OR52B2: variants seen among roughly 807,000 people sequenced by gnomAD.
OR52B2 encodes the protein olfactory receptor 52B2.
A neutral mutation model predicts 12.8 loss-of-function variants in OR52B2; 16 were observed. That is an observed-to-expected ratio of 1.25 (90% CI 0.85 to 1.90). The LOEUF is 1.90. Ranked by LOEUF, OR52B2 falls within the 40% of genes most tolerant of loss-of-function variation. The probability of loss-of-function intolerance (pLI) is 0.00; values close to 1 mark genes in which losing one functional copy is unlikely to be tolerated. For missense variants in OR52B2, 465 were observed against 407.8 expected (o/e 1.14, Z -1.21); for synonymous variants, 169 against 152.2 (o/e 1.11, Z -0.81).
In OR52B2 at chr11:6,170,249, G is replaced by C; in HGVS notation, c.78C>G (p.His26Gln). The change falls in exon 1 of 1, where the codon CAC becomes CAG. Residue 26 changes from histidine to glutamine, a missense_variant. Coordinates refer to ENST00000530810, the MANE Select transcript of OR52B2 (RefSeq NM_001004052.1). ...GGCAAAGAGGTATTGACAGCCAAAT[G>C]TGATAAGCCTCCAACCCAGGGATGC... ...LPGIPGLEAY[H>Q]IWLSIPLCLI... 1 of 1,613,258 alleles carries C rather than the reference G, an allele frequency of 6.2e-7. No individual in the cohort carries two copies. Among genetic ancestry groups the C allele is most frequent in the Non-Finnish European group, 8.5e-7 (1 of 1,179,800 alleles).
rs993987651 is a variant in OR52B2, at chr11:6,169,454, G to A, written c.873C>T (p.Pro291=). 3.1e-6 allele frequency: 5 copies of A among 1,613,750 alleles called. No individual in the cohort carries two copies. The East Asian group carries it at 6.7e-5, about 22-fold the overall frequency. ...GCTTAGTCTTCACACCATAGACAATGGGGTTCAGCATTGGTGGCACTGCCA... is the reference window on the plus strand; with the variant it reads ...GCTTAGTCTTCACACCATAGACAATAGGGTTCAGCATTGGTGGCACTGCCA... ...LYVAVPPMLN[P]IVYGVKTKQI... The change falls in exon 1 of 1, where the codon CCC becomes CCT. Residue 291 remains proline (P), a synonymous_variant. Transcript: ENST00000530810.
Position 6,170,088 on chromosome 11 carries a change from A to C in OR52B2, c.239T>G (p.Val80Gly). ...VMDILLSTTT[V>G]PKALAIFWLQ... ...CCAAAAGATGGCTAGGGCCTTGGGC[A>C]CAGTGGTGGTAGACAGCAGGATGTC... Residue 80 changes from valine (V) to glycine (G), a missense_variant, in exon 1 of 1, where the codon GTG becomes GGG. Transcript: ENST00000530810. The C allele has an allele frequency of 6.2e-7, 1 of 1,613,836 alleles. No individual in the cohort carries two copies.
Position 6,169,986 on chromosome 11 carries a change from G to C in OR52B2, c.341C>G (p.Ser114Ter), listed in dbSNP as rs1290997076. The change falls in exon 1 of 1, where the codon TCA becomes TGA. Residue 114 changes from serine to a stop codon, truncating the protein, a stop_gained. Coordinates refer to ENST00000530810, the MANE Select transcript of OR52B2 (RefSeq NM_001004052.1). LOFTEE classifies it high-confidence loss of function. ...FFVHMMFVGE[S>*]AILLAMAFDR... ...AAAGGCCATGGCTAACAGGATAGCT[G>C]ACTCCCCCACAAACATCATATGGAC... The C allele has an allele frequency of 6.2e-7, 1 of 1,613,786 alleles. No individual in the cohort carries two copies. Among genetic ancestry groups the C allele is most frequent in the East Asian group, 2.2e-5 (1 of 44,880 alleles).
chr11:6,170,023 G>C lies in OR52B2; in HGVS notation c.304C>G (p.Gln102Glu). 5 of 1,613,706 alleles carry C rather than the reference G, an allele frequency of 3.1e-6. No individual in the cohort carries two copies. Among genetic ancestry groups the C allele is most frequent in the Non-Finnish European group, 3.4e-6 (4 of 1,179,808 alleles). ...AACATCATATGGACAAAGAAGCCTT[G>C]GGTGACACAGGCATCAAAAGCAATG... is the stretch of plus-strand genomic sequence containing the variant. ...HNIAFDACVT[Q>E]GFFVHMMFVG... is the part of the protein sequence containing the mutation. The change falls in exon 1 of 1, where the codon CAA (glutamine) becomes GAA (glutamate). Residue 102 changes from glutamine to glutamate, a missense_variant. Gln to Glu is a conservative substitution (Grantham distance 29, BLOSUM62 2). Coordinates refer to ENST00000530810, the MANE Select transcript of OR52B2 (RefSeq NM_001004052.1).
In OR52B2 at chr11:6,170,035, C is replaced by A; in HGVS notation, c.292G>T (p.Ala98Ser). Residue 98 changes from alanine (A) to serine (S), a missense_variant, in exon 1 of 1, where the codon GCC becomes TCC. Coordinates refer to ENST00000530810, the MANE Select transcript of OR52B2 (RefSeq NM_001004052.1). ...WLQAHNIAFD[A>S]CVTQGFFVHM... is the part of the protein sequence containing the mutation. ...ACAAAGAAGCCTTGGGTGACACAGG[C>A]ATCAAAAGCAATGTTATGTGCTTGA... 3 of 1,613,746 alleles carry A rather than the reference C, an allele frequency of 1.9e-6. No individual in the cohort carries two copies. Among genetic ancestry groups the A allele is most frequent in the Non-Finnish European group, 2.5e-6 (3 of 1,179,882 alleles).
chr11:6,169,373 G>T lies in OR52B2; in HGVS notation c.954C>A (p.Thr318=). 1.9e-6 allele frequency: 3 copies of T among 1,612,728 alleles called. No homozygotes were observed. The highest frequency in any genetic ancestry group is 2.5e-6 in the Non-Finnish European group (3 of 1,179,054). The part of the protein sequence containing the change: ...RFFDIKTWCC[T]SPLGS ...TGAAGATTCATGAGCCCAGAGGGGA[G>T]GTACAGCACCAAGTCTTGATGTCAA... Residue 318 remains threonine, a synonymous_variant, in exon 1 of 1, where the codon ACC becomes ACA. Coordinates refer to ENST00000530810, the MANE Select transcript of OR52B2 (RefSeq NM_001004052.1).
rs1262696581 is a variant in OR52B2 at position 6,169,841 on chromosome 11, T to C, written c.486A>G (p.Ile162Met). The C allele has an allele frequency of 1.2e-6, 2 of 1,613,668 alleles. No homozygotes were observed. The highest frequency in any genetic ancestry group is 3.3e-5 in the Admixed American group (2 of 59,970). ...TRSFCIIFPV[I>M]FLLKRLPFCL... ...AGAAGGGCAGCCGCTTCAGCAAGAA[T>C]ATGACTGGGAAGATGATGCAGAAGC... is the stretch of plus-strand genomic sequence containing the variant. The change falls in exon 1 of 1, where the codon ATA becomes ATG. Residue 162 changes from isoleucine (I) to methionine (M), a missense_variant. Ile to Met is a conservative substitution (Grantham distance 10). Coordinates refer to ENST00000530810, the MANE Select transcript of OR52B2 (RefSeq NM_001004052.1).
Position 6,169,624 on chromosome 11 carries a change from C to T in OR52B2, c.703G>A (p.Ala235Thr), listed in dbSNP as rs200992980. The T allele has an allele frequency of 3.0e-4, 491 of 1,613,832 alleles. No homozygotes were observed. The highest frequency in any genetic ancestry group is 3.6e-4 in the Non-Finnish European group (427 of 1,179,886). Reference sequence around the variant, plus strand: ...CAAGTGCTGAGGGCCTTGTGCCGAGCATCCTGGGAGGGCAAACGAAACACT... The same window carrying T: ...CAAGTGCTGAGGGCCTTGTGCCGAGTATCCTGGGAGGGCAAACGAAACACT... ...RAVFRLPSQD[A>T]RHKALSTCGS... The change falls in exon 1 of 1, where the codon GCT (alanine) becomes ACT (threonine). Residue 235 changes from alanine to threonine, a missense_variant. Ala to Thr is a moderately conservative substitution (Grantham distance 58). Transcript: ENST00000530810.
rs1846650638 is a variant in OR52B2 at position 6,170,215 on chromosome 11, T to C, written c.112A>G (p.Ile38Val). Residue 38 changes from isoleucine (I) to valine (V), a missense_variant, in exon 1 of 1, where the codon ATC (isoleucine) becomes GTC (valine). Ile to Val is a conservative substitution (Grantham distance 29, BLOSUM62 3). Transcript: ENST00000530810. Reference protein sequence around the residue: ...WLSIPLCLIYITAVLGNSILI... With the variant: ...WLSIPLCLIYVTAVLGNSILI... ...ATGCTGTTTCCCAGGACTGCAGTGA[T>C]GTAAATGAGGCAAAGAGGTATTGAC... The C allele has an allele frequency of 1.2e-6, 2 of 1,613,548 alleles. No homozygotes were observed. The highest frequency in any genetic ancestry group is 1.7e-6 in the Non-Finnish European group (2 of 1,179,868).
At position 6,169,677 on chromosome 11, in the gene OR52B2, G is replaced by C; in HGVS notation, c.650C>G (p.Ala217Gly). ...TCGGAGGATCAGTGAGTAAGACACA[G>C]CGATGAGGATAACATCCAAGATGAC... Reference protein sequence around the residue: ...VMVILDVILIAVSYSLILRAV... With the variant: ...VMVILDVILIGVSYSLILRAV... The change falls in exon 1 of 1, where the codon GCT becomes GGT. Residue 217 changes from alanine to glycine, a missense_variant. By Grantham distance (60) the Ala-to-Gly change is moderately conservative. Coordinates refer to ENST00000530810, the MANE Select transcript of OR52B2 (RefSeq NM_001004052.1). The C allele has an allele frequency of 6.8e-6, 11 of 1,613,770 alleles. No homozygotes were observed. Among genetic ancestry groups the C allele is most frequent in the Non-Finnish European group, 9.3e-6 (11 of 1,179,864 alleles).
chr11:6,169,809 G>A lies in OR52B2; in HGVS notation c.518C>T (p.Thr173Ile), dbSNP rs1338137664. 1 of 1,613,810 alleles carries A rather than the reference G, an allele frequency of 6.2e-7. No individual in the cohort carries two copies. The highest frequency in any genetic ancestry group is 1.7e-5 in the Admixed American group (1 of 59,980). The change falls in exon 1 of 1, where the codon ACC (threonine) becomes ATC (isoleucine). Residue 173 changes from threonine (T) to isoleucine (I), a missense_variant. By Grantham distance (89) the Thr-to-Ile change is moderately conservative (BLOSUM62 -1). Transcript: ENST00000530810. ...FLLKRLPFCL[T>I]NIVPHSYCEH... ...ACAGTAGGAGTGAGGAACAATGTTG[G>A]TTAGGCAGAAGGGCAGCCGCTTCAG...
chr11:6,169,564 C>T lies in OR52B2; in HGVS notation c.763G>A (p.Val255Ile), dbSNP rs762547194. 3 of 1,613,654 alleles carry T rather than the reference C, an allele frequency of 1.9e-6. No individual in the cohort carries two copies. The highest frequency in any genetic ancestry group is 1.7e-5 in the Admixed American group (1 of 59,960). ...GTCAATAAGGTAAAGAAGGATGGAA[C>T]ATAAAACATAAGGATGACACAGAGG... is the stretch of plus-strand genomic sequence containing the variant. ...SHLCVILMFYVPSFFTLLTHH... is the reference protein window; with the variant it reads ...SHLCVILMFYIPSFFTLLTHH... The change falls in exon 1 of 1, where the codon GTT (valine) becomes ATT (isoleucine). Residue 255 changes from valine to isoleucine, a missense_variant. Transcript: ENST00000530810.
At position 6,169,794 on chromosome 11, in the gene OR52B2, T is replaced by G; in HGVS notation, c.533A>C (p.His178Pro). The G allele has an allele frequency of 6.2e-7, 1 of 1,613,118 alleles. No homozygotes were observed. The highest frequency in any genetic ancestry group is 8.5e-7 in the Non-Finnish European group (1 of 1,179,706). ...LPFCLTNIVP[H>P]SYCEHIGVAR... ...CACTCCAATATGCTCACAGTAGGAG[T>G]GAGGAACAATGTTGGTTAGGCAGAA... Residue 178 changes from histidine (H) to proline (P), a missense_variant, in exon 1 of 1, where the codon CAC (histidine) becomes CCC (proline). By Grantham distance (77) the His-to-Pro change is moderately conservative. Coordinates refer to ENST00000530810, the MANE Select transcript of OR52B2 (RefSeq NM_001004052.1).
chr11:6,170,315 G>C lies in OR52B2; in HGVS notation c.12C>G (p.Thr4=). 1 of 1,605,388 alleles carries C rather than the reference G, an allele frequency of 6.2e-7. No individual in the cohort carries two copies. Among genetic ancestry groups the C allele is most frequent in the Non-Finnish European group, 8.5e-7 (1 of 1,179,378 alleles). The change falls in exon 1 of 1, where the codon ACC becomes ACG. Residue 4 remains threonine (T), a synonymous_variant. Transcript: ENST00000530810. Reference sequence around the variant, plus strand: ...CTGCAGGATGGAAGATGGTAACATTGGTGTGACTCATGATGCACTTTATGG... The same window carrying C: ...CTGCAGGATGGAAGATGGTAACATTCGTGTGACTCATGATGCACTTTATGG... MSH[T]NVTIFHPAVF... is the part of the protein sequence containing the mutation.
chr11:6,170,208 G>T lies in OR52B2; in HGVS notation c.119C>A (p.Ala40Glu). 1.2e-6 allele frequency: 2 copies of T among 1,613,708 alleles called. No homozygotes were observed. Among genetic ancestry groups the T allele is most frequent in the Non-Finnish European group, 1.7e-6 (2 of 1,179,858 alleles). The part of the protein sequence containing the change: ...SIPLCLIYIT[A>E]VLGNSILIVV... ...TATCAGGATGCTGTTTCCCAGGACT[G>T]CAGTGATGTAAATGAGGCAAAGAGG... Residue 40 changes from alanine to glutamate, a missense_variant, in exon 1 of 1, where the codon GCA becomes GAA. Transcript: ENST00000530810.
Position 6,170,013 on chromosome 11 carries a change from A to T in OR52B2, c.314T>A (p.Phe105Tyr), listed in dbSNP as rs16909422. 12,942 of 1,613,782 alleles carry T rather than the reference A, an allele frequency of 8.0e-3. 977 individuals carry two copies. In the African/African-American group the frequency reaches 0.15, roughly 18 times the overall value. ...AFDACVTQGFFVHMMFVGESA... is the reference protein window; with the variant it reads ...AFDACVTQGFYVHMMFVGESA... ...CTCCCCCACAAACATCATATGGACA[A>T]AGAAGCCTTGGGTGACACAGGCATC... is the stretch of plus-strand genomic sequence containing the variant. Residue 105 changes from phenylalanine (F) to tyrosine (Y), a missense_variant, in exon 1 of 1, where the codon TTT becomes TAT. Transcript: ENST00000530810.
In OR52B2 at chr11:6,170,203, G is replaced by C; in HGVS notation, c.124C>G (p.Leu42Val). The C allele has an allele frequency of 6.2e-7, 1 of 1,613,638 alleles. No individual in the cohort carries two copies. The change falls in exon 1 of 1, where the codon CTG becomes GTG. Residue 42 changes from leucine to valine, a missense_variant. By Grantham distance (32) the Leu-to-Val change is conservative (BLOSUM62 1). Coordinates refer to ENST00000530810, the MANE Select transcript of OR52B2 (RefSeq NM_001004052.1). ...ACCACTATCAGGATGCTGTTTCCCA[G>C]GACTGCAGTGATGTAAATGAGGCAA... ...PLCLIYITAV[L>V]GNSILIVVIV...
Position 6,169,885 on chromosome 11 carries a change from G to C in OR52B2, c.442C>G (p.Leu148Val). The change falls in exon 1 of 1, where the codon CTG becomes GTG. Residue 148 changes from leucine to valine, a missense_variant. Coordinates refer to ENST00000530810, the MANE Select transcript of OR52B2 (RefSeq NM_001004052.1). ...LTWPVVGRIA[L>V]AVITRSFCII... Reference sequence around the variant, plus strand: ...CAGAAGCTTCGGGTGATGACGGCCAGAGCAATCCTCCCCACAACAGGCCAT... The same window carrying C: ...CAGAAGCTTCGGGTGATGACGGCCACAGCAATCCTCCCCACAACAGGCCAT... 1 of 1,613,762 alleles carries C rather than the reference G, an allele frequency of 6.2e-7. No homozygotes were observed. Among genetic ancestry groups the C allele is most frequent in the Non-Finnish European group, 8.5e-7 (1 of 1,179,868 alleles).
rs1846642929 is a variant in OR52B2 at position 6,169,649 on chromosome 11, T to C, written c.678A>G (p.Ala226=). 4 of 1,613,722 alleles carry C rather than the reference T, an allele frequency of 2.5e-6. No homozygotes were observed. The South Asian group carries it at 3.3e-5, about 13-fold the overall frequency. ...CATCCTGGGAGGGCAAACGAAACAC[T>C]GCTCGGAGGATCAGTGAGTAAGACA... ...IAVSYSLILR[A]VFRLPSQDAR... is the part of the protein sequence containing the mutation. Residue 226 remains alanine, a synonymous_variant, in exon 1 of 1, where the codon GCA becomes GCG. Coordinates refer to ENST00000530810, the MANE Select transcript of OR52B2 (RefSeq NM_001004052.1).
Sources: gnomAD v4.1 joint callset for allele counts on GRCh38, gnomAD v4.1.1 for gene constraint, MANE v1.5 for transcripts, NCBI Gene and HGNC (gene_info 2026-07-23, HGNC 2026-07-21) for gene names.